EFNA5: variants seen among roughly 807,000 people sequenced by gnomAD.
The protein encoded by EFNA5 is ephrin A5.
EFNA5 carries 5 observed loss-of-function variants against 22.9 expected under a neutral mutation model. The ratio of observed to expected loss-of-function variants is 0.22; its 90% CI spans 0.11 to 0.46. The LOEUF (loss-of-function observed/expected upper bound fraction) is 0.46. Ranked by LOEUF, EFNA5 falls within the 20% of genes least tolerant of loss-of-function variation. The pLI, the probability that EFNA5 is intolerant of heterozygous loss-of-function variation, is 0.99. For missense variants in EFNA5, 237 were observed against 293.3 expected (o/e 0.81, Z 1.40); for synonymous variants, 113 against 112.2 (o/e 1.01, Z -0.04).
At position 107,427,404 on chromosome 5, in the gene EFNA5, A is replaced by G. The variant is rs1012474541; in HGVS notation, c.231T>C (p.Tyr77=). 16 of 1,613,998 alleles carry G rather than the reference A, an allele frequency of 9.9e-6. No individual in the cohort carries two copies. Among genetic ancestry groups the G allele is most frequent in the East Asian group, 2.2e-5 (1 of 44,898 alleles). ...CATCAAAGTTCACCATGTAGAGGAC[A>G]TAGCGCTCAGTCTTATCTTCTGGGA... The part of the protein sequence containing the change: ...DSVPEDKTER[Y]VLYMVNFDGY... The change falls in exon 2 of 5, where the codon TAT becomes TAC. Residue 77 remains tyrosine (Y), a synonymous_variant. Coordinates refer to ENST00000333274, the MANE Select transcript of EFNA5 (RefSeq NM_001962.3).
chr5:107,592,815 T>C (rs1749404777), intron 1 of EFNA5, among the ~76,000 whole-genome samples: 1 of 152,072 alleles, frequency 6.6e-6, no homozygotes, highest in Non-Finnish European at 1.5e-5. Flanking sequence ...CCATCACACT[T>C]CCTAATGTCT....
intron 1 of EFNA5, among the ~76,000 whole-genome samples, chr5:107,581,063 T>C (rs10071180): frequency 0.023 from 3,443 of 152,292 alleles, 146 homozygotes; most frequent in African/African-American, 0.079. Flanking sequence ...ACAAAATATA[T>C]GGTTGTAGCA....
At chr5:107,390,668 T>C (rs1327423115) in intron 2 of EFNA5, among the ~76,000 whole-genome samples, 2 of 151,234 alleles carry the variant, frequency 1.3e-5, no homozygotes, top group Non-Finnish European at 2.9e-5. Flanking sequence ...TAAAAGTAAA[T>C]ATGTAAGTAT....
intron 1 of EFNA5, among the ~76,000 whole-genome samples, chr5:107,614,552 T>C (rs115471439): frequency 3.9e-5 from 6 of 152,276 alleles, no homozygotes; most frequent in African/African-American, 1.2e-4. Context: ...TGTCCATTTA[T>C]CATTCTGCCT....
Position 107,574,475 on chromosome 5 carries a change from G to A in EFNA5, c.125+96014C>T, listed in dbSNP as rs1748884559. On this transcript the variant is annotated intron_variant, in intron 1 of 4. Transcript: ENST00000333274. ...CAGTTTACATAAGGGATGTGACCTG[G>A]TGCCAACAACCTCTGGCTTCTCCAT... 1.3e-5 allele frequency among the ~76,000 whole-genome samples: 2 copies of A among 152,146 alleles called. 1 individual carries two copies. The highest frequency in any genetic ancestry group is 4.1e-4 in the South Asian group (2 of 4,832).
At chr5:107,621,798 T>C (rs1252626769) in intron 1 of EFNA5, among the ~76,000 whole-genome samples, 1 of 152,218 alleles carries the variant, frequency 6.6e-6, no homozygotes, top group Non-Finnish European at 1.5e-5. Flanking sequence ...GAAAAGAGGA[T>C]GTCACAGGTA....
chr5:107,579,286 G>T (rs149338062), intron 1 of EFNA5, among the ~76,000 whole-genome samples: 2 of 152,176 alleles, frequency 1.3e-5, no homozygotes, highest in Non-Finnish European at 2.9e-5. Context: ...GTGTGACATG[G>T]AGCCAGGTTC....
intron 2 of EFNA5, among the ~76,000 whole-genome samples, chr5:107,403,617 A>C (rs749460395): frequency 2.6e-5 from 4 of 152,264 alleles, no homozygotes; most frequent in Non-Finnish European, 4.4e-5. Context: ...TAGACTAACA[A>C]ATTTCAATTT....
chr5:107,587,867 C>T (rs1749222598), intron 1 of EFNA5, among the ~76,000 whole-genome samples: 1 of 152,138 alleles, frequency 6.6e-6, no homozygotes, highest in Non-Finnish European at 1.5e-5. Context: ...TCTGGGGTCA[C>T]TACTCCCTTA....
intron 1 of EFNA5, among the ~76,000 whole-genome samples, chr5:107,541,680 A>T (rs1043959029): frequency 6.6e-6 from 1 of 152,208 alleles, no homozygotes. Context: ...CAAGCTCAGT[A>T]AACTGAAATG....
Position 107,557,932 on chromosome 5 carries a change from T to C in EFNA5, c.125+112557A>G, listed in dbSNP as rs373349815. Among the ~76,000 whole-genome samples the C allele has an allele frequency of 1.4e-4, 21 of 152,304 alleles. No homozygotes were observed. The East Asian group carries it at 1.5e-3, about 11-fold the overall frequency. On this transcript the variant is annotated intron_variant, in intron 1 of 4. Coordinates refer to ENST00000333274, the MANE Select transcript of EFNA5 (RefSeq NM_001962.3). ...TTCAGACAATTTCTCAAAAATATTA[T>C]GCAAGATAAAACAAGCACAAAATTG...
intron 1 of EFNA5, among the ~76,000 whole-genome samples, chr5:107,533,357 T>C (rs1050062562): frequency 2.0e-5 from 3 of 152,170 alleles, no homozygotes; most frequent in Non-Finnish European, 2.9e-5. Flanking sequence ...GCTTCACCTA[T>C]AGAGAAGTCT....
rs997704690 is a variant in EFNA5, at chr5:107,437,085, C to T, written c.126-9576G>A. Among the ~76,000 whole-genome samples, 10 of 152,212 alleles carry T rather than the reference C, an allele frequency of 6.6e-5. No individual in the cohort carries two copies. In the South Asian group the frequency reaches 1.2e-3, roughly 19 times the overall value. On this transcript the variant is annotated intron_variant, in intron 1 of 4. Transcript: ENST00000333274. ...GATAACTTACTGGAATCATTACAAT[C>T]TAAATCTGAAATTTAGCCCACACTT...
At chr5:107,473,773 G>A (rs1344783698) in intron 1 of EFNA5, among the ~76,000 whole-genome samples, 2 of 150,820 alleles carry the variant, frequency 1.3e-5, no homozygotes, top group Non-Finnish European at 2.9e-5. Context: ...TGATTCTCCT[G>A]CCTCAGCCTT....
chr5:107,427,053 C>T (rs1748827653), intron 2 of EFNA5, 164 bp downstream of exon 2: 3 of 720,336 alleles, frequency 4.2e-6, no homozygotes, highest in Admixed American at 2.6e-5. Context: ...CTAATTTGTG[C>T]TCTCAATTCC....
intron 2 of EFNA5, among the ~76,000 whole-genome samples, chr5:107,424,120 T>C (rs1161560271): frequency 6.6e-6 from 1 of 152,058 alleles, no homozygotes; most frequent in African/African-American, 2.4e-5. Flanking sequence ...CTCCACAGTC[T>C]TCACTATACT....
At chr5:107,630,142 T>C (rs1360157142) in intron 1 of EFNA5, among the ~76,000 whole-genome samples, 2 of 152,196 alleles carry the variant, frequency 1.3e-5, no homozygotes, top group Non-Finnish European at 2.9e-5. Flanking sequence ...GTGTATTTTA[T>C]GTGTGACCCA....
At chr5:107,540,393 T>C (rs898818348) in intron 1 of EFNA5, among the ~76,000 whole-genome samples, 2 of 152,170 alleles carry the variant, frequency 1.3e-5, no homozygotes, top group African/African-American at 4.8e-5. Context: ...TTCTTGCACA[T>C]ATTTAAAAAA....
At chr5:107,406,668 T>C (rs1748231436) in intron 2 of EFNA5, among the ~76,000 whole-genome samples, 1 of 152,204 alleles carries the variant, frequency 6.6e-6, no homozygotes, top group South Asian at 2.1e-4. Context: ...ACTTACCACC[T>C]ACTTGACATA....
Sources: gnomAD v4.1 joint callset for allele counts (sites outside exome capture counted in the v4.1 genomes callset) on GRCh38, gnomAD v4.1.1 for gene constraint, MANE v1.5 for transcripts, NCBI Gene and HGNC (gene_info 2026-07-23, HGNC 2026-07-21) for gene names.